The following KCNMA1 variants were observed in gnomAD, a reference collection of about 807,000 sequenced individuals.
The protein encoded by KCNMA1 is potassium calcium-activated channel subfamily M alpha 1.
KCNMA1 carries 29 observed loss-of-function variants against 140.0 expected under a neutral mutation model. That is an observed-to-expected ratio of 0.21 (90% CI 0.15 to 0.28). KCNMA1 has a LOEUF of 0.28. Ranked by LOEUF, KCNMA1 falls within the 10% of genes least tolerant of loss-of-function variation. The pLI is 1.00. For missense variants in KCNMA1, 880 were observed against 1,602.2 expected (o/e 0.55, Z 7.70); for synonymous variants, 612 against 611.9 (o/e 1.00, Z 0.00).
chr10:77,206,511 T>G (rs376344505), intron 3 of KCNMA1, among the ~76,000 whole-genome samples: 3 of 152,258 alleles, frequency 2.0e-5, no homozygotes, highest in Admixed American at 2.0e-4. Context: ...CTCTTGGTTT[T>G]TCGTCTAACT....
intron 3 of KCNMA1, among the ~76,000 whole-genome samples, chr10:77,230,408 C>T (rs993900237): frequency 1.3e-5 from 2 of 152,132 alleles, no homozygotes; most frequent in Admixed American, 6.5e-5. Flanking sequence ...ACCACTGTAT[C>T]GTACACATTA....
chr10:77,256,246 C>T (rs563059535), intron 2 of KCNMA1, among the ~76,000 whole-genome samples: 3 of 152,146 alleles, frequency 2.0e-5, no homozygotes, highest in African/African-American at 7.2e-5. Context: ...TGCAATTAGG[C>T]CCATATGCTT....
At chr10:77,442,365 C>T (rs569567596) in intron 1 of KCNMA1, among the ~76,000 whole-genome samples, 1 of 152,118 alleles carries the variant, frequency 6.6e-6, no homozygotes, top group South Asian at 2.1e-4. Flanking sequence ...CCGCCACCTC[C>T]CCATCTAGGA....
At chr10:77,024,909 C>G (rs1468718028) in intron 16 of KCNMA1, among the ~76,000 whole-genome samples, 1 of 151,948 alleles carries the variant, frequency 6.6e-6, no homozygotes, top group Non-Finnish European at 1.5e-5. Context: ...GAATTCTGCT[C>G]TATAGACAAG....
intron 1 of KCNMA1, among the ~76,000 whole-genome samples, chr10:77,548,909 G>GC (rs2154556514): frequency 6.6e-6 from 1 of 152,314 alleles, no homozygotes; most frequent in African/African-American, 2.4e-5. Context: ...GCCTTGTGGA[G>GC]CTTACACTCT....
chr10:76,886,279 A>G lies in KCNMA1; in HGVS notation c.*987T>C, dbSNP rs1005980622. The G allele has an allele frequency of 7.1e-6, 7 of 985,392 alleles. No homozygotes were observed. Among genetic ancestry groups the G allele is most frequent in the Non-Finnish European group, 8.4e-6 (7 of 829,888 alleles). The allele number at this position is 985,392 out of a possible 1,614,324, so 61.0% of individuals were successfully genotyped here. On this transcript the variant is annotated 3_prime_UTR_variant, in exon 28 of 28. Transcript: ENST00000286628. ...AAAGATCCCCTGAGAATGCATGGAA[A>G]AATACTTGCTCTTTCCTGAGCATTA...
At chr10:76,961,591 G>A (rs1247654263) in intron 20 of KCNMA1, among the ~76,000 whole-genome samples, 1 of 152,200 alleles carries the variant, frequency 6.6e-6, no homozygotes, top group Non-Finnish European at 1.5e-5. Context: ...AGCATCACAT[G>A]CTACAGAGAA....
chr10:77,156,413 T>G (rs2098484943), intron 5 of KCNMA1, among the ~76,000 whole-genome samples: 1 of 152,334 alleles, frequency 6.6e-6, no homozygotes, highest in Admixed American at 6.5e-5. Context: ...TGCAAAATTA[T>G]GACAACAAGA....
chr10:77,081,980 T>G (rs963490209), intron 12 of KCNMA1, among the ~76,000 whole-genome samples: 14 of 147,500 alleles, frequency 9.5e-5, no homozygotes, highest in African/African-American at 3.5e-4. Context: ...GATACTACCT[T>G]TGACCAGTAA....
chr10:77,430,321 T>C (rs75453550), intron 1 of KCNMA1, among the ~76,000 whole-genome samples: 14 of 152,344 alleles, frequency 9.2e-5, no homozygotes, highest in African/African-American at 3.1e-4. Context: ...TTATGTAAAA[T>C]ACAAGATTTA....
At chr10:76,895,804 T>A (rs553265362) in intron 25 of KCNMA1, among the ~76,000 whole-genome samples, 1 of 152,124 alleles carries the variant, frequency 6.6e-6, no homozygotes, top group African/African-American at 2.4e-5. Context: ...GGGGGAGACA[T>A]CACATGTCGG....
chr10:77,412,821 G>C (rs1411189956), intron 1 of KCNMA1, among the ~76,000 whole-genome samples: 1 of 152,170 alleles, frequency 6.6e-6, no homozygotes, highest in Non-Finnish European at 1.5e-5. Context: ...CTGAGTAAAA[G>C]TCCATAGGCC....
chr10:77,240,075 G>A (rs2056864497), intron 3 of KCNMA1, among the ~76,000 whole-genome samples: 2 of 152,184 alleles, frequency 1.3e-5, no homozygotes, highest in African/African-American at 4.8e-5. Flanking sequence ...TGGCAGAACA[G>A]ACAGATTTGG....
chr10:77,126,737 C>A (rs1334484640), intron 5 of KCNMA1, among the ~76,000 whole-genome samples: 1 of 144,246 alleles, frequency 6.9e-6, no homozygotes, highest in Non-Finnish European at 1.5e-5. Flanking sequence ...CCCCCCCCCA[C>A]CACCACACAC....
In KCNMA1 at chr10:76,887,474, G is replaced by A. The variant is rs1219705887; in HGVS notation, c.3503C>T (p.Pro1168Leu). 2.5e-6 allele frequency: 4 copies of A among 1,614,070 alleles called. No individual in the cohort carries two copies. Among genetic ancestry groups the A allele is most frequent in the East Asian group, 2.2e-5 (1 of 44,850 alleles). ...CATTAAGCAGAAGATCAGGTCCGTC[G>A]GCACGAGCTCAAACTCATAGGGCGG... The part of the protein sequence containing the change: ...TNPPYEFELV[P>L]TDLIFCLMQF... The change falls in exon 28 of 28, where the codon CCG becomes CTG. Residue 1168 changes from proline to leucine, a missense_variant. Transcript: ENST00000286628.
intron 21 of KCNMA1, chr10:76,951,902 C>CA: frequency 1.2e-6 from 1 of 863,552 alleles, no homozygotes; most frequent in Non-Finnish European, 1.8e-6. Flanking sequence ...CCTGCTAGAA[C>CA]ACAAGCTCTG....
chr10:77,183,368 C>T (rs2098818151), intron 5 of KCNMA1, 53 bp downstream of exon 5: 1 of 1,243,858 alleles, frequency 8.0e-7, no homozygotes, highest in South Asian at 1.2e-5. Flanking sequence ...AAATTCTGTC[C>T]TTCAGCCATG....
intron 2 of KCNMA1, among the ~76,000 whole-genome samples, chr10:77,270,315 C>A (rs2064662484): frequency 6.6e-6 from 1 of 152,140 alleles, no homozygotes; most frequent in Non-Finnish European, 1.5e-5. Flanking sequence ...GCAATTCCAT[C>A]TGCAAAACCC....
chr10:77,397,093 T>C (rs1283970073), intron 2 of KCNMA1, among the ~76,000 whole-genome samples: 1 of 152,128 alleles, frequency 6.6e-6, no homozygotes, highest in Non-Finnish European at 1.5e-5. Context: ...GAAATGAATA[T>C]GAACATGCAG....
Sources: gnomAD v4.1 joint callset for allele counts (sites outside exome capture counted in the v4.1 genomes callset) on GRCh38, gnomAD v4.1.1 for gene constraint, MANE v1.5 for transcripts, NCBI Gene and HGNC (gene_info 2026-07-23, HGNC 2026-07-21) for gene names.